GALNT17: variants seen among roughly 807,000 people sequenced by gnomAD.
GALNT17 encodes polypeptide N-acetylgalactosaminyltransferase 17.
GALNT17 carries 29 observed loss-of-function variants against 63.7 expected under a neutral mutation model. The observed-to-expected ratio is 0.46, with a 90% CI of 0.34 to 0.62. GALNT17 has a LOEUF of 0.62. Ranked by LOEUF, GALNT17 falls within the 20% of genes least tolerant of loss-of-function variation. The pLI, the probability that GALNT17 is intolerant of heterozygous loss-of-function variation, is 0.01. For synonymous variants in GALNT17, 305 were observed against 318.3 expected (o/e 0.96, Z 0.45); for missense variants, 603 against 799.6 (o/e 0.75, Z 2.97).
At chr7:71,241,153 C>G (rs1789989011) in intron 1 of GALNT17, among the ~76,000 whole-genome samples, 1 of 152,120 alleles carries the variant, frequency 6.6e-6, no homozygotes, top group Non-Finnish European at 1.5e-5. Flanking sequence ...TTGGAATATT[C>G]TAAAGTTAAA....
chr7:71,519,227 G>T (rs1040350056), intron 5 of GALNT17, among the ~76,000 whole-genome samples: 1 of 152,118 alleles, frequency 6.6e-6, no homozygotes, highest in African/African-American at 2.4e-5. Flanking sequence ...ATTCGAGAGG[G>T]GTAGGGAGGA....
chr7:71,399,599 G>GT (rs778530762), intron 3 of GALNT17, among the ~76,000 whole-genome samples: 2 of 152,024 alleles, frequency 1.3e-5, no homozygotes, highest in Non-Finnish European at 2.9e-5. Flanking sequence ...TTTTACTGTA[G>GT]TTTTTTTGTG....
intron 2 of GALNT17, among the ~76,000 whole-genome samples, chr7:71,357,898 C>T (rs964670716): frequency 2.0e-5 from 3 of 152,168 alleles, no homozygotes; most frequent in Non-Finnish European, 4.4e-5. Context: ...TAAAACGCAT[C>T]AATCAGCAGG....
At chr7:71,700,106 A>T (rs1057039059) in intron 9 of GALNT17, among the ~76,000 whole-genome samples, 8 of 151,984 alleles carry the variant, frequency 5.3e-5, no homozygotes, top group Admixed American at 3.3e-4. Context: ...AGCCTGGCCA[A>T]CATAGCGAAA....
At chr7:71,143,043 G>T (rs1002080958) in intron 1 of GALNT17, among the ~76,000 whole-genome samples, 1 of 151,972 alleles carries the variant, frequency 6.6e-6, no homozygotes, top group Non-Finnish European at 1.5e-5. Context: ...ATTTAAACAA[G>T]AACACTTAGA....
intron 1 of GALNT17, among the ~76,000 whole-genome samples, chr7:71,308,742 T>G (rs1049620143): frequency 1.3e-5 from 2 of 151,046 alleles, no homozygotes; most frequent in Non-Finnish European, 2.9e-5. Flanking sequence ...CATTTCTCTT[T>G]AGTTTTTTTT....
intron 1 of GALNT17, among the ~76,000 whole-genome samples, chr7:71,266,045 T>G (rs539669759): frequency 6.6e-6 from 1 of 152,326 alleles, no homozygotes; most frequent in South Asian, 2.1e-4. Context: ...CAGCATTCCT[T>G]GGCTTATGGC....
At chr7:71,529,383 C>T (rs979003163) in intron 5 of GALNT17, among the ~76,000 whole-genome samples, 8 of 151,750 alleles carry the variant, frequency 5.3e-5, no homozygotes, top group East Asian at 1.9e-4. Context: ...AAATTTGGCC[C>T]GATGGGCGTA....
chr7:71,644,527 CAA>C (rs58497593), intron 6 of GALNT17, among the ~76,000 whole-genome samples: 54 of 23,638 alleles, frequency 2.3e-3, no homozygotes, highest in African/African-American at 2.7e-3. Flanking sequence ...GACTCCATCT[CAA>C]AAAAAAAAAA....
chr7:71,404,562 A>G (rs922405873), intron 3 of GALNT17, among the ~76,000 whole-genome samples: 2 of 152,102 alleles, frequency 1.3e-5, no homozygotes, highest in African/African-American at 4.8e-5. Context: ...CAATGCAGCC[A>G]CCTCCTGGGT....
At chr7:71,438,359 G>A (rs1787004550) in intron 5 of GALNT17, among the ~76,000 whole-genome samples, 1 of 152,150 alleles carries the variant, frequency 6.6e-6, no homozygotes, top group Non-Finnish European at 1.5e-5. Flanking sequence ...TTTTCTGCCT[G>A]CTTTATATTC....
intron 6 of GALNT17, among the ~76,000 whole-genome samples, chr7:71,575,889 A>G (rs530125251): frequency 1.4e-4 from 21 of 152,326 alleles, no homozygotes; most frequent in Admixed American, 5.2e-4. Flanking sequence ...TGTGACTAAA[A>G]CAATCAATAC....
intron 2 of GALNT17, among the ~76,000 whole-genome samples, chr7:71,341,704 G>A (rs1359836440): frequency 6.6e-6 from 1 of 152,142 alleles, no homozygotes; most frequent in Non-Finnish European, 1.5e-5. Context: ...TGGGCCAGGA[G>A]CAAATGCAAA....
chr7:71,590,952 G>A (rs532994354), intron 6 of GALNT17, among the ~76,000 whole-genome samples: 1 of 152,178 alleles, frequency 6.6e-6, no homozygotes. Context: ...GTACAGACAG[G>A]GTTTCGCCAT....
chr7:71,524,266 A>AAT, intron 5 of GALNT17, among the ~76,000 whole-genome samples: 1 of 147,558 alleles, frequency 6.8e-6, no homozygotes, highest in African/African-American at 2.5e-5. Flanking sequence ...TATATTATAT[A>AAT]TAATTATATA....
intron 6 of GALNT17, among the ~76,000 whole-genome samples, chr7:71,632,348 T>C (rs1790464425): frequency 6.6e-6 from 1 of 152,176 alleles, no homozygotes; most frequent in Non-Finnish European, 1.5e-5. Flanking sequence ...CATGCATTCA[T>C]TCCTGTGATA....
chr7:71,227,569 G>A (rs1789704199), intron 1 of GALNT17, among the ~76,000 whole-genome samples: 1 of 151,864 alleles, frequency 6.6e-6, no homozygotes. Flanking sequence ...TTTTTGGCGA[G>A]AGACCCCTGT....
chr7:71,499,256 A>G (rs1788142912), intron 5 of GALNT17, among the ~76,000 whole-genome samples: 1 of 152,182 alleles, frequency 6.6e-6, no homozygotes, highest in Non-Finnish European at 1.5e-5. Context: ...AGTGGAGTGG[A>G]GTCATGATTT....
chr7:71,562,204 A>G (rs971628059), intron 5 of GALNT17, among the ~76,000 whole-genome samples: 1 of 152,070 alleles, frequency 6.6e-6, no homozygotes, highest in Non-Finnish European at 1.5e-5. Context: ...GACTCAAGCA[A>G]TCCTCTAGCC....
Sources: allele counts gnomAD v4.1 joint callset (sites outside exome capture counted in the v4.1 genomes callset), GRCh38; gene constraint gnomAD v4.1.1; transcripts MANE v1.5; gene names NCBI Gene and HGNC (gene_info 2026-07-23, HGNC 2026-07-21).